DPP6: variants seen among roughly 807,000 people sequenced by gnomAD.
The protein encoded by DPP6 is A-type potassium channel modulatory protein DPP6.
A neutral mutation model predicts 122.6 loss-of-function variants in DPP6; 69 were observed. That is an observed-to-expected ratio of 0.56 (90% CI 0.46 to 0.69). DPP6 has a LOEUF of 0.69. Among genes scored for constraint, DPP6 ranks in the 30% least tolerant of loss-of-function variants. The probability of loss-of-function intolerance (pLI) is 0.00; values close to 1 mark genes in which losing one functional copy is unlikely to be tolerated. For missense variants in DPP6, 928 were observed against 1,116.9 expected (o/e 0.83, Z 2.41); for synonymous variants, 418 against 433.1 (o/e 0.97, Z 0.43).
At chr7:153,820,059 A>T in the DPP6 span, among the ~76,000 whole-genome samples, 15 of 152,192 alleles carry the variant, frequency 9.9e-5, no homozygotes, top group Admixed American at 3.3e-4. Flanking sequence ...TCAGGGAATG[A>T]TATTTTCATA....
intron 23 of DPP6, 61 bp from the exon 24 acceptor site, chr7:154,889,211 G>A (rs1356153914): frequency 1.3e-6 from 2 of 1,570,032 alleles, no homozygotes; most frequent in East Asian, 4.6e-5. Context: ...TTTCCAAGCA[G>A]AACACCTGGC....
At chr7:153,937,711 T>A (rs1359109613) in intron 1 of DPP6, among the ~76,000 whole-genome samples, 2 of 152,062 alleles carry the variant, frequency 1.3e-5, no homozygotes, top group African/African-American at 4.8e-5. Context: ...CCTCCCAGAG[T>A]GCTGGAATTA....
intron 1 of DPP6, among the ~76,000 whole-genome samples, chr7:154,209,218 GA>G (rs57276228): frequency 0.053 from 8,100 of 152,200 alleles, 416 homozygotes; most frequent in African/African-American, 0.12. Flanking sequence ...TCTCAGTCGT[GA>G]AAAAAACGTG....
At chr7:154,227,185 T>C (rs569086374) in intron 1 of DPP6, among the ~76,000 whole-genome samples, 2 of 49,262 alleles carry the variant, frequency 4.1e-5, no homozygotes, top group South Asian at 6.0e-4. Context: ...TAAAAGTCCA[T>C]TGACAGATGA....
chr7:154,353,857 C>A (rs969848488), intron 1 of DPP6, among the ~76,000 whole-genome samples: 1 of 152,192 alleles, frequency 6.6e-6, no homozygotes, highest in Non-Finnish European at 1.5e-5. Context: ...TGTTGCAAGA[C>A]CTTTGCATAG....
chr7:154,024,054 C>A (rs915325549), intron 1 of DPP6, among the ~76,000 whole-genome samples: 21 of 152,170 alleles, frequency 1.4e-4, no homozygotes, highest in Non-Finnish European at 7.3e-5. Flanking sequence ...TCCACTCAAT[C>A]TGCCAGGAGA....
intron 1 of DPP6, among the ~76,000 whole-genome samples, chr7:153,992,191 G>A (rs1182502369): frequency 6.6e-6 from 1 of 152,102 alleles, no homozygotes; most frequent in Non-Finnish European, 1.5e-5. Flanking sequence ...TCAGACCATA[G>A]TACCTCCCAA....
intron 1 of DPP6, among the ~76,000 whole-genome samples, chr7:154,239,278 T>C (rs2150869120): frequency 6.6e-6 from 1 of 152,336 alleles, no homozygotes; most frequent in Non-Finnish European, 1.5e-5. Flanking sequence ...CTTTCTAGTG[T>C]CGTAGCTCTT....
At chr7:154,276,731 C>T (rs55667606) in intron 1 of DPP6, among the ~76,000 whole-genome samples, 3,802 of 152,216 alleles carry the variant, frequency 0.025, 144 homozygotes, top group African/African-American at 0.083. Context: ...AGCTGTTGCT[C>T]CTAGTGGAAA....
intron 1 of DPP6, among the ~76,000 whole-genome samples, chr7:154,030,946 T>A (rs948184673): frequency 2.0e-5 from 3 of 152,092 alleles, no homozygotes; most frequent in African/African-American, 7.2e-5. Context: ...GACTCCCCAG[T>A]GTGTCTGAGA....
At chr7:154,060,688 G>T (rs201645349) in intron 1 of DPP6, among the ~76,000 whole-genome samples, 1 of 105,968 alleles carries the variant, frequency 9.4e-6, no homozygotes, top group African/African-American at 3.8e-5. Context: ...CCCCTCTTCC[G>T]CCCCTGGCTG....
chr7:153,832,267 T>A, the DPP6 span, among the ~76,000 whole-genome samples: 1 of 152,238 alleles, frequency 6.6e-6, no homozygotes, highest in African/African-American at 2.4e-5. Context: ...TTCTTCTCGA[T>A]TTAAACGAAA....
the DPP6 span, among the ~76,000 whole-genome samples, chr7:153,817,457 C>A: frequency 1.3e-5 from 2 of 148,228 alleles, no homozygotes; most frequent in Non-Finnish European, 1.5e-5. Context: ...ACCTTTATAA[C>A]CTCATTGGGA....
At chr7:154,253,716 T>C (rs1325718678) in intron 1 of DPP6, among the ~76,000 whole-genome samples, 1 of 152,182 alleles carries the variant, frequency 6.6e-6, no homozygotes, top group East Asian at 1.9e-4. Context: ...GGAACAATAT[T>C]CCAGATATTT....
intron 1 of DPP6, among the ~76,000 whole-genome samples, chr7:154,065,256 A>G (rs1457964321): frequency 6.7e-6 from 1 of 149,974 alleles, no homozygotes; most frequent in Non-Finnish European, 1.5e-5. Flanking sequence ...AAGAAGGGGC[A>G]AGGCTGTGAG....
intron 1 of DPP6, among the ~76,000 whole-genome samples, chr7:154,059,714 C>T (rs1801396456): frequency 6.6e-6 from 1 of 150,990 alleles, no homozygotes; most frequent in African/African-American, 2.5e-5. Context: ...AGCCCTGGGG[C>T]TACCCGATCT....
intron 1 of DPP6, among the ~76,000 whole-genome samples, chr7:153,996,505 A>C (rs1797443211): frequency 6.6e-6 from 1 of 150,966 alleles, no homozygotes; most frequent in Non-Finnish European, 1.5e-5. Flanking sequence ...TTCCCCCAAA[A>C]CATGACCTAA....
At position 154,794,221 on chromosome 7, in the gene DPP6, G is replaced by A. The variant is rs756826466; in HGVS notation, c.1260+19G>A. 25 of 1,592,116 alleles carry A rather than the reference G, an allele frequency of 1.6e-5. No individual in the cohort carries two copies. Among genetic ancestry groups the A allele is most frequent in the Non-Finnish European group, 1.9e-5 (22 of 1,166,956 alleles). ...CACGAAGGTACGCGGGGCTGTGGGG[G>A]TGGAGGGGAGACGGGTGAAGAACCG... On this transcript the variant is annotated intron_variant, in intron 11 of 25. Coordinates refer to ENST00000377770, the MANE Select transcript of DPP6 (RefSeq NM_130797.4).
chr7:154,626,532 T>G (rs531988645), intron 5 of DPP6, among the ~76,000 whole-genome samples: 1 of 152,326 alleles, frequency 6.6e-6, no homozygotes, highest in East Asian at 1.9e-4. Context: ...CCTGAACAAC[T>G]AGGGATTGAT....
Sources: allele counts gnomAD v4.1 joint callset (sites outside exome capture counted in the v4.1 genomes callset), GRCh38; gene constraint gnomAD v4.1.1; transcripts MANE v1.5; gene names NCBI Gene and HGNC (gene_info 2026-07-23, HGNC 2026-07-21).